The following ZDHHC21 variants were observed in gnomAD, a reference collection of about 807,000 sequenced individuals.
ZDHHC21 encodes palmitoyltransferase ZDHHC21.
Under a neutral mutation model 34.6 loss-of-function variants are expected in ZDHHC21, and 15 were observed. That is an observed-to-expected ratio of 0.43 (90% CI 0.29 to 0.67). The LOEUF is 0.67. ZDHHC21 is among the 30% of genes least tolerant of loss of function. ZDHHC21 has a pLI of 0.14. For synonymous variants in ZDHHC21, 142 were observed against 101.8 expected (o/e 1.40, Z -2.38); for missense variants, 344 against 327.7 (o/e 1.05, Z -0.38).
intron 7 of ZDHHC21, among the ~76,000 whole-genome samples, chr9:14,640,655 T>C (rs1185215186): frequency 1.3e-5 from 2 of 152,006 alleles, no homozygotes; most frequent in African/African-American, 2.4e-5. Context: ...CCTCAAGAAG[T>C]ACAGTTTATT....
At chr9:14,681,436 T>C (rs1438741033) in intron 2 of ZDHHC21, among the ~76,000 whole-genome samples, 1 of 152,114 alleles carries the variant, frequency 6.6e-6, no homozygotes, top group Admixed American at 6.6e-5. Flanking sequence ...ACTAAACCAA[T>C]TTCATGACCC....
At chr9:14,651,379 G>A (rs1015794166) in intron 7 of ZDHHC21, among the ~76,000 whole-genome samples, 1 of 151,816 alleles carries the variant, frequency 6.6e-6, no homozygotes, top group South Asian at 2.1e-4. Context: ...GTATTGAATG[G>A]GAGTTTGAAT....
chr9:14,635,839 C>T (rs1401090022), intron 8 of ZDHHC21, among the ~76,000 whole-genome samples: 1 of 152,028 alleles, frequency 6.6e-6, no homozygotes. Context: ...CTAGCCTAGG[C>T]AATAGAGCAA....
intron 2 of ZDHHC21, among the ~76,000 whole-genome samples, chr9:14,680,809 T>A (rs1837246626): frequency 6.6e-6 from 1 of 152,168 alleles, no homozygotes; most frequent in Non-Finnish European, 1.5e-5. Context: ...ACAAGACCAG[T>A]AAGACAAGTT....
the ZDHHC21 span, among the ~76,000 whole-genome samples, chr9:14,604,377 G>A: frequency 5.9e-5 from 9 of 152,044 alleles, no homozygotes; most frequent in Non-Finnish European, 1.2e-4. Context: ...AAGATGTTTT[G>A]TTTAAAAAAT....
chr9:14,637,235 G>A (rs557274553), intron 8 of ZDHHC21, among the ~76,000 whole-genome samples: 1 of 152,034 alleles, frequency 6.6e-6, no homozygotes, highest in Middle Eastern at 3.4e-3. Flanking sequence ...TGATACCATT[G>A]AAATACAAAG....
chr9:14,678,851 G>A lies in ZDHHC21; in HGVS notation c.-46+1182C>T, dbSNP rs137858681. ...TCCAAGCTATTGCAATTTTTTTTAAGGCAGAAAAGAAGGCAGATTTAGATC... is the reference window on the plus strand; with the variant it reads ...TCCAAGCTATTGCAATTTTTTTTAAAGCAGAAAAGAAGGCAGATTTAGATC... On this transcript the variant is annotated intron_variant, in intron 3 of 9. Transcript: ENST00000380916. Among the ~76,000 whole-genome samples the A allele has an allele frequency of 7.5e-3, 1,140 of 151,896 alleles. 3 individuals are homozygous for A. Among genetic ancestry groups the A allele is most frequent in the Non-Finnish European group, 0.013 (870 of 67,896 alleles).
intron 5 of ZDHHC21, among the ~76,000 whole-genome samples, chr9:14,671,857 T>C (rs1220989325): frequency 1.3e-5 from 2 of 152,122 alleles, no homozygotes; most frequent in Non-Finnish European, 2.9e-5. Flanking sequence ...TTGAATAAAA[T>C]TTCATAAAAT....
chr9:14,691,402 A>G (rs2131725626), intron 1 of ZDHHC21, among the ~76,000 whole-genome samples: 1 of 152,338 alleles, frequency 6.6e-6, no homozygotes, highest in African/African-American at 2.4e-5. Context: ...TTCAAGCTAT[A>G]TGTGGGTCAC....
chr9:14,623,154 A>C (rs1378048980), intron 8 of ZDHHC21, among the ~76,000 whole-genome samples: 10 of 146,742 alleles, frequency 6.8e-5, no homozygotes, highest in Non-Finnish European at 1.3e-4. Flanking sequence ...AAAAGGCAAC[A>C]ACAAAAAAAA....
intron 7 of ZDHHC21, among the ~76,000 whole-genome samples, chr9:14,655,172 C>A (rs1476759651): frequency 1.3e-5 from 2 of 151,886 alleles, no homozygotes; most frequent in South Asian, 2.1e-4. Flanking sequence ...GACTTTACAA[C>A]AGAAATGATG....
At chr9:14,647,830 G>A (rs372585443) in intron 7 of ZDHHC21, among the ~76,000 whole-genome samples, 3 of 151,854 alleles carry the variant, frequency 2.0e-5, no homozygotes, top group East Asian at 1.9e-4. Context: ...TTTCTATTTC[G>A]AATTACTTCT....
the ZDHHC21 span, among the ~76,000 whole-genome samples, chr9:14,596,248 G>A: frequency 5.7e-3 from 869 of 152,320 alleles, 15 homozygotes; most frequent in African/African-American, 0.02. Context: ...TGGAACAGCA[G>A]AATGAGTATG....
intron 3 of ZDHHC21, among the ~76,000 whole-genome samples, chr9:14,675,456 T>C (rs945124585): frequency 6.6e-6 from 1 of 151,856 alleles, no homozygotes; most frequent in Non-Finnish European, 1.5e-5. Flanking sequence ...TAATTCTTCA[T>C]AAAACTCAAA....
chr9:14,657,377 G>C (rs1014314436), intron 7 of ZDHHC21, among the ~76,000 whole-genome samples: 1 of 151,960 alleles, frequency 6.6e-6, no homozygotes, highest in Non-Finnish European at 1.5e-5. Context: ...ATTTTCAGTG[G>C]AAGAAAATTA....
At chr9:14,662,827 T>C (rs1322228374) in intron 5 of ZDHHC21, among the ~76,000 whole-genome samples, 2 of 152,206 alleles carry the variant, frequency 1.3e-5, no homozygotes, top group Non-Finnish European at 2.9e-5. Flanking sequence ...ACATACACTT[T>C]CCCTAAATCA....
At chr9:14,640,489 G>A (rs191708916) in intron 7 of ZDHHC21, among the ~76,000 whole-genome samples, 5 of 152,154 alleles carry the variant, frequency 3.3e-5, no homozygotes, top group South Asian at 2.1e-4. Context: ...AATCATTAAC[G>A]TGGACAAAAT....
chr9:14,688,034 C>G (rs1481564042), intron 2 of ZDHHC21, among the ~76,000 whole-genome samples: 1 of 150,824 alleles, frequency 6.6e-6, no homozygotes, highest in Non-Finnish European at 1.5e-5. Flanking sequence ...AAATAATTCT[C>G]CATAAAAATC....
chr9:14,682,672 C>G (rs143807159), intron 2 of ZDHHC21, among the ~76,000 whole-genome samples: 8,181 of 152,242 alleles, frequency 0.054, 283 homozygotes, highest in Admixed American at 0.11. Context: ...AAACTCAGCT[C>G]TGCACCAAGA....
Sources: gnomAD v4.1 joint callset for allele counts (sites outside exome capture counted in the v4.1 genomes callset) on GRCh38, gnomAD v4.1.1 for gene constraint, MANE v1.5 for transcripts, NCBI Gene and HGNC (gene_info 2026-07-23, HGNC 2026-07-21) for gene names.